Variants in ZNF101 observed in about 807,000 individuals in gnomAD.
ZNF101 encodes zinc finger protein 101.
Under a neutral mutation model 42.6 loss-of-function variants are expected in ZNF101, and 34 were observed. The observed-to-expected ratio is 0.80, with a 90% CI of 0.61 to 1.06. The LOEUF (loss-of-function observed/expected upper bound fraction) is 1.06. Among genes scored for constraint, ZNF101 ranks in the 50% least tolerant of loss-of-function variants. The pLI, the probability that ZNF101 is intolerant of heterozygous loss-of-function variation, is 0.00. For missense variants in ZNF101, 466 were observed against 530.9 expected (o/e 0.88, Z 1.20); for synonymous variants, 158 against 183.9 (o/e 0.86, Z 1.14).
At chr19:19,672,554 G>T (rs1171872900) in intron 1 of ZNF101, among the ~76,000 whole-genome samples, 1 of 146,234 alleles carries the variant, frequency 6.8e-6, no homozygotes. Flanking sequence ...TTGGCGGGGG[G>T]GGTCTCTGTT....
chr19:19,677,564 G>C (rs553428372), intron 1 of ZNF101: 1 of 243,184 alleles, frequency 4.1e-6, no homozygotes, highest in South Asian at 5.8e-5. Context: ...GGAGTTTGTT[G>C]TGACAGGTAC....
chr19:19,675,496 T>A (rs1379050859), intron 1 of ZNF101, among the ~76,000 whole-genome samples: 2 of 152,160 alleles, frequency 1.3e-5, no homozygotes, highest in African/African-American at 4.8e-5. Context: ...AGATTTTTTG[T>A]TTTTTCATGA....
intron 1 of ZNF101, among the ~76,000 whole-genome samples, chr19:19,669,659 A>T (rs2062156927): frequency 6.6e-6 from 1 of 151,878 alleles, no homozygotes; most frequent in East Asian, 1.9e-4. Flanking sequence ...ACGTCCGGCT[A>T]ACTTGTATTT....
rs1000076409 is a variant in ZNF101, at chr19:19,668,904, G to A, written c.-60G>A. ...CCCCGGATACGGCTGATTTTGTCGTGTGGGACCTGTTCTGGCTGCTCCAGC... is the reference window on the plus strand; with the variant it reads ...CCCCGGATACGGCTGATTTTGTCGTATGGGACCTGTTCTGGCTGCTCCAGC... On this transcript the variant is annotated 5_prime_UTR_variant, in exon 1 of 4. It adds an upstream start codon to the 5' untranslated region. Transcript: ENST00000592502. The A allele has an allele frequency of 1.3e-6, 2 of 1,546,968 alleles. No individual in the cohort carries two copies. Among genetic ancestry groups the A allele is most frequent in the East Asian group, 2.4e-5 (1 of 41,208 alleles).
intron 2 of ZNF101, 145 bp from the exon 3 acceptor site, chr19:19,678,581 C>T: frequency 1.5e-6 from 1 of 645,724 alleles, no homozygotes; most frequent in Non-Finnish European, 2.6e-6. Context: ...CATCACTGCA[C>T]TCCAGCCTGG....
intron 3 of ZNF101, 137 bp downstream of exon 3, chr19:19,678,923 C>G (rs1035094988): frequency 1.1e-6 from 1 of 948,800 alleles, no homozygotes; most frequent in Non-Finnish European, 1.5e-6. Context: ...TACCAAAAAT[C>G]TATCCTTCAA....
At position 19,670,742 on chromosome 19, in the gene ZNF101, C is replaced by T. The variant is rs970578545; in HGVS notation, c.3+1776C>T. On this transcript the variant is annotated intron_variant, in intron 1 of 3. Transcript: ENST00000592502. ...CACTGCACTGAACGACAGAGTGAGACCCTGTCTTTAAAAAAAAAAAAGGAA... is the reference window on the plus strand; with the variant it reads ...CACTGCACTGAACGACAGAGTGAGATCCTGTCTTTAAAAAAAAAAAAGGAA... Among the ~76,000 whole-genome samples, 5 of 151,058 alleles carry T rather than the reference C, an allele frequency of 3.3e-5. No individual in the cohort carries two copies. In the South Asian group the frequency reaches 1.0e-3, roughly 32 times the overall value.
intron 1 of ZNF101, among the ~76,000 whole-genome samples, chr19:19,670,947 T>G (rs1343356078): frequency 6.6e-6 from 1 of 151,942 alleles, no homozygotes; most frequent in East Asian, 1.9e-4. Flanking sequence ...CTACTAAAAA[T>G]ACAAAAAAAT....
intron 1 of ZNF101, among the ~76,000 whole-genome samples, chr19:19,673,380 G>C (rs531580063): frequency 9.3e-4 from 140 of 150,850 alleles, no homozygotes; most frequent in African/African-American, 3.3e-3. Flanking sequence ...CTCCGGAGTA[G>C]CTGGGATTAC....
rs752825292 is a variant in ZNF101, at chr19:19,679,304, C to T, written c.315C>T (p.Ser105=). Reference sequence around the variant, plus strand: ...CTGGAGTGAAACCATGCAAATGCAGCGTGTGTGGGAAAGTCTTCCTCCGTC... The same window carrying T: ...CTGGAGTGAAACCATGCAAATGCAGTGTGTGTGGGAAAGTCTTCCTCCGTC... ...SQTGVKPCKC[S]VCGKVFLRHS... The change falls in exon 4 of 4, where the codon AGC becomes AGT. Residue 105 remains serine, a synonymous_variant. Transcript: ENST00000592502. 4.6e-5 allele frequency: 74 copies of T among 1,614,024 alleles called. No homozygotes were observed. In the Admixed American group the frequency reaches 1.0e-3, roughly 22 times the overall value.
chr19:19,672,942 T>G (rs1254872874), intron 1 of ZNF101, among the ~76,000 whole-genome samples: 2 of 152,066 alleles, frequency 1.3e-5, no homozygotes, highest in Non-Finnish European at 2.9e-5. Flanking sequence ...CCAAATAATG[T>G]AAAGTCTTTT....
Position 19,680,409 on chromosome 19 carries a change from G to T in ZNF101, c.*109G>T, listed in dbSNP as rs1049323591. On this transcript the variant is annotated 3_prime_UTR_variant, in exon 4 of 4. Coordinates refer to ENST00000592502, the MANE Select transcript of ZNF101 (RefSeq NM_033204.4). ...AGGCGGGTGGATCACCTGAGGTCAG[G>T]AGTTCAAGACTAGCCTGGCCAACAT... 1.8e-6 allele frequency: 1 copy of T among 560,216 alleles called. No homozygotes were observed. Among genetic ancestry groups the T allele is most frequent in the African/African-American group, 1.9e-5 (1 of 52,928 alleles). The allele number at this position is 560,216 out of a possible 1,614,324, so 34.7% of individuals were successfully genotyped here. A position where few individuals can be genotyped will look rare whatever the true frequency, so the allele number is the denominator to read the frequency against.
In ZNF101 at chr19:19,682,651, AT is replaced by A. The variant is rs2145066458; in HGVS notation, c.*2352del. The A allele has an allele frequency of 6.6e-6, 1 of 152,292 alleles. No homozygotes were observed. The highest frequency in any genetic ancestry group is 2.4e-5 in the African/African-American group (1 of 41,578). 9.4% of individuals were successfully genotyped at this position (152,292 alleles called of 1,614,324 possible). The stretch of plus-strand genomic sequence containing the variant: ...AAGTGTTTTTATCCTAAGTTAGTTA[AT>A]AAAATTTTTTTCTATCCATTTTGGT... On this transcript the variant is annotated 3_prime_UTR_variant, in exon 4 of 4. Transcript: ENST00000592502.
rs2062239523 is a variant in ZNF101, at chr19:19,681,399, C to T, written c.*1099C>T. 6.6e-6 allele frequency: 1 copy of T among 152,200 alleles called. No individual in the cohort carries two copies. Among genetic ancestry groups the T allele is most frequent in the African/African-American group, 2.4e-5 (1 of 41,438 alleles). The allele number at this position is 152,200 out of a possible 1,614,324, so 9.4% of individuals were successfully genotyped here. ...GATGGTATGAATCGAAGAATACACA[C>T]TGGATGGAAACGTTAGTAGTTTGGA... On this transcript the variant is annotated 3_prime_UTR_variant, in exon 4 of 4. Coordinates refer to ENST00000592502, the MANE Select transcript of ZNF101 (RefSeq NM_033204.4).
At chr19:19,672,334 G>A (rs2062175904) in intron 1 of ZNF101, 1 of 151,146 alleles carries the variant, frequency 6.6e-6, no homozygotes, top group Admixed American at 6.6e-5. Flanking sequence ...CCCGGTAGCT[G>A]AATCCTGAGT....
chr19:19,672,158 A>G (rs913830643), intron 1 of ZNF101: 3 of 148,398 alleles, frequency 2.0e-5, no homozygotes, highest in Non-Finnish European at 4.5e-5. Flanking sequence ...AATTTTATGT[A>G]TGATTATATA....
In ZNF101 at chr19:19,683,185, A is replaced by G. The variant is rs2062248297; in HGVS notation, c.*2885A>G. ...ATTCCTCACCCATCATATGTATTCC[A>G]CTTTCCTTTATTATGGGGAAAACTA... On this transcript the variant is annotated 3_prime_UTR_variant, in exon 4 of 4. Coordinates refer to ENST00000592502, the MANE Select transcript of ZNF101 (RefSeq NM_033204.4). The G allele has an allele frequency of 6.6e-6, 1 of 152,086 alleles. No individual in the cohort carries two copies. Among genetic ancestry groups the G allele is most frequent in the Admixed American group, 6.6e-5 (1 of 15,242 alleles). 9.4% of individuals were successfully genotyped at this position (152,086 alleles called of 1,614,324 possible). A position where few individuals can be genotyped will look rare whatever the true frequency, so the allele number is the denominator to read the frequency against.
Position 19,679,761 on chromosome 19 carries a change from T to C in ZNF101, c.772T>C (p.Cys258Arg), listed in dbSNP as rs1370056084. Residue 258 changes from cysteine (C) to arginine (R), a missense_variant, in exon 4 of 4, where the codon TGT becomes CGT. Cys to Arg is a radical substitution (Grantham distance 180, BLOSUM62 -3). Coordinates refer to ENST00000592502, the MANE Select transcript of ZNF101 (RefSeq NM_033204.4). Reference sequence around the variant, plus strand: ...AGAAAAACCTTACAAATGTAAACAATGTGGTAAAGCCTTCATTTCCGCAGG... The same window carrying C: ...AGAAAAACCTTACAAATGTAAACAACGTGGTAAAGCCTTCATTTCCGCAGG... ...TGEKPYKCKQCGKAFISAGYL... is the reference protein window; with the variant it reads ...TGEKPYKCKQRGKAFISAGYL... 2.9e-5 allele frequency: 46 copies of C among 1,613,918 alleles called. No individual in the cohort carries two copies. The highest frequency in any genetic ancestry group is 3.8e-5 in the Non-Finnish European group (45 of 1,179,910).
intron 1 of ZNF101, among the ~76,000 whole-genome samples, chr19:19,675,957 C>T (rs1302840053): frequency 6.6e-6 from 1 of 152,134 alleles, no homozygotes; most frequent in African/African-American, 2.4e-5. Context: ...GATTGTACCA[C>T]TGCACTCTAG....
Sources: allele counts gnomAD v4.1 joint callset (sites outside exome capture counted in the v4.1 genomes callset), GRCh38; gene constraint gnomAD v4.1.1; transcripts MANE v1.5; gene names NCBI Gene and HGNC (gene_info 2026-07-23, HGNC 2026-07-21).